CNTNAP2: variants seen among roughly 807,000 people sequenced by gnomAD.
CNTNAP2 encodes the protein contactin associated protein 2, also known as contactin-associated protein-like 2.
In CNTNAP2, 98 loss-of-function variants were observed where a neutral mutation model predicts 155.2. The observed-to-expected ratio is 0.63, with a 90% CI of 0.54 to 0.75. The LOEUF is 0.75. Ranked by LOEUF, CNTNAP2 falls within the 30% of genes least tolerant of loss-of-function variation. The pLI is 0.00. For synonymous variants in CNTNAP2, 651 were observed against 631.2 expected (o/e 1.03, Z -0.47); for missense variants, 1,727 against 1,688.1 (o/e 1.02, Z -0.40).
intron 1 of CNTNAP2, among the ~76,000 whole-genome samples, chr7:146,595,491 T>C (rs1798847000): frequency 6.6e-6 from 1 of 152,082 alleles, no homozygotes; most frequent in African/African-American, 2.4e-5. Flanking sequence ...ATACCTCCAG[T>C]GGCCCACTAA....
chr7:146,212,939 G>A (rs577322051), intron 1 of CNTNAP2, among the ~76,000 whole-genome samples: 3 of 152,252 alleles, frequency 2.0e-5, no homozygotes, highest in African/African-American at 7.2e-5. Context: ...GTGATTGCCA[G>A]GGCTGTCTTG....
intron 3 of CNTNAP2, among the ~76,000 whole-genome samples, chr7:147,033,629 T>C (rs1799087600): frequency 6.6e-6 from 1 of 152,086 alleles, no homozygotes; most frequent in African/African-American, 2.4e-5. Flanking sequence ...AATGCACATT[T>C]ATATTCATTT....
chr7:147,802,180 G>A (rs1798008125), intron 13 of CNTNAP2, among the ~76,000 whole-genome samples: 1 of 150,034 alleles, frequency 6.7e-6, no homozygotes. Context: ...CCCAGACGGG[G>A]CGGCGGGGCA....
At chr7:146,930,251 T>A (rs571724425) in intron 3 of CNTNAP2, among the ~76,000 whole-genome samples, 2 of 152,188 alleles carry the variant, frequency 1.3e-5, no homozygotes, top group Admixed American at 1.3e-4. Flanking sequence ...CGGCAGAAAC[T>A]CTACAAGCCA....
Position 146,695,946 on chromosome 7 carries a change from A to G in CNTNAP2, c.98-78325A>G, listed in dbSNP as rs77336027. ...TTATACATTGGATTTGATTTGCTAA[A>G]ATTGTCTTGAAGATTTTTGCATTTA... is the stretch of plus-strand genomic sequence containing the variant. On this transcript the variant is annotated intron_variant, in intron 1 of 23. Coordinates refer to ENST00000361727, the MANE Select transcript of CNTNAP2 (RefSeq NM_014141.6). 1.7e-3 allele frequency among the ~76,000 whole-genome samples: 265 copies of G among 152,196 alleles called. 2 individuals are homozygous for G. Among genetic ancestry groups the G allele is most frequent in the African/African-American group, 6.2e-3 (258 of 41,530 alleles).
intron 1 of CNTNAP2, among the ~76,000 whole-genome samples, chr7:146,624,427 G>T (rs928710267): frequency 6.6e-6 from 1 of 151,814 alleles, no homozygotes; most frequent in African/African-American, 2.4e-5. Context: ...CATATAGTTG[G>T]TGTCTGTTAT....
rs188180568 is a variant in CNTNAP2 at position 147,716,971 on chromosome 7, A to G, written c.2098+77665A>G. Reference sequence around the variant, plus strand: ...CATTGATACCTTTCCCTTCTCTAATAAAGCAAGTAGATTGGGAGCTACATG... The same window carrying G: ...CATTGATACCTTTCCCTTCTCTAATGAAGCAAGTAGATTGGGAGCTACATG... On this transcript the variant is annotated intron_variant, in intron 13 of 23. Coordinates refer to ENST00000361727, the MANE Select transcript of CNTNAP2 (RefSeq NM_014141.6). Among the ~76,000 whole-genome samples the G allele has an allele frequency of 8.5e-5, 13 of 152,228 alleles. No individual in the cohort carries two copies. In the East Asian group the frequency reaches 2.5e-3, roughly 29 times the overall value.
intron 1 of CNTNAP2, among the ~76,000 whole-genome samples, chr7:146,389,058 A>G (rs891689369): frequency 4.0e-4 from 61 of 152,200 alleles, no homozygotes; most frequent in African/African-American, 1.4e-3. Flanking sequence ...CAAAACAAAA[A>G]AACTATAAAA....
chr7:147,257,593 G>A (rs1234753821), intron 8 of CNTNAP2, among the ~76,000 whole-genome samples: 1 of 152,164 alleles, frequency 6.6e-6, no homozygotes, highest in African/African-American at 2.4e-5. Flanking sequence ...CCAAAACTAC[G>A]GTACCGCCAT....
chr7:148,233,282 AT>A (rs1341719868), intron 20 of CNTNAP2, among the ~76,000 whole-genome samples: 3 of 151,478 alleles, frequency 2.0e-5, no homozygotes, highest in Non-Finnish European at 4.4e-5. Context: ...TTTCCTTCCT[AT>A]TTTTTCCTTT....
chr7:146,534,647 G>T (rs1797819739), intron 1 of CNTNAP2, among the ~76,000 whole-genome samples: 1 of 151,888 alleles, frequency 6.6e-6, no homozygotes, highest in South Asian at 2.1e-4. Context: ...TTCATATGTT[G>T]TAAAATGCAG....
intron 16 of CNTNAP2, among the ~76,000 whole-genome samples, chr7:148,126,013 A>G (rs935391855): frequency 2.0e-5 from 3 of 152,120 alleles, no homozygotes; most frequent in African/African-American, 7.2e-5. Flanking sequence ...AGCCTATAAA[A>G]TAATATTTTG....
chr7:147,763,096 C>T (rs1797330877), intron 13 of CNTNAP2, among the ~76,000 whole-genome samples: 1 of 151,824 alleles, frequency 6.6e-6, no homozygotes, highest in Admixed American at 6.6e-5. Flanking sequence ...CCCGTCTCTA[C>T]TAAAAATACA....
chr7:146,305,814 T>A (rs10281880), intron 1 of CNTNAP2, among the ~76,000 whole-genome samples: 1 of 151,720 alleles, frequency 6.6e-6, no homozygotes, highest in African/African-American at 2.4e-5. Context: ...AAAATTGACA[T>A]CCTAACATCA....
chr7:147,757,090 T>C (rs1053253333), intron 13 of CNTNAP2, among the ~76,000 whole-genome samples: 1 of 152,258 alleles, frequency 6.6e-6, no homozygotes, highest in Non-Finnish European at 1.5e-5. Flanking sequence ...CTGTTTTTAA[T>C]ATTTGAGAAT....
chr7:146,142,530 A>G (rs1797896086), intron 1 of CNTNAP2, among the ~76,000 whole-genome samples: 1 of 152,230 alleles, frequency 6.6e-6, no homozygotes, highest in Admixed American at 6.5e-5. Context: ...AGAAGGAAAC[A>G]GTTGAGAGGG....
intron 1 of CNTNAP2, among the ~76,000 whole-genome samples, chr7:146,482,315 C>A (rs1047416844): frequency 1.3e-4 from 19 of 150,482 alleles, no homozygotes; most frequent in African/African-American, 4.6e-4. Flanking sequence ...AAATTAAGGG[C>A]ATGTATTCAT....
At chr7:146,237,804 G>C (rs1447280946) in intron 1 of CNTNAP2, among the ~76,000 whole-genome samples, 2 of 51,732 alleles carry the variant, frequency 3.9e-5, no homozygotes, top group African/African-American at 9.4e-5. Flanking sequence ...CATATTAAAG[G>C]TTCTGAAGTA....
intron 1 of CNTNAP2, among the ~76,000 whole-genome samples, chr7:146,141,493 A>C (rs569659241): frequency 1.0e-3 from 158 of 152,270 alleles, no homozygotes; most frequent in Non-Finnish European, 2.0e-3. Flanking sequence ...GAAACACTAT[A>C]AGAAATATAG....
Sources: allele counts gnomAD v4.1 joint callset (sites outside exome capture counted in the v4.1 genomes callset), GRCh38; gene constraint gnomAD v4.1.1; transcripts MANE v1.5; gene names NCBI Gene and HGNC (gene_info 2026-07-23, HGNC 2026-07-21).